Variants in ESRRB observed in about 807,000 individuals in gnomAD.
The protein encoded by ESRRB is steroid hormone receptor ERR2.
A neutral mutation model predicts 46.0 loss-of-function variants in ESRRB; 16 were observed. The ratio of observed to expected loss-of-function variants is 0.35; its 90% CI spans 0.24 to 0.53. The LOEUF (loss-of-function observed/expected upper bound fraction) is 0.53. Among genes scored for constraint, ESRRB ranks in the 20% least tolerant of loss-of-function variants. The pLI is 0.93. For missense variants in ESRRB, 488 were observed against 607.4 expected (o/e 0.80, Z 2.07); for synonymous variants, 246 against 259.6 (o/e 0.95, Z 0.50).
chr14:76,440,065 G>A (rs1414373896), intron 2 of ESRRB, among the ~76,000 whole-genome samples: 1 of 152,168 alleles, frequency 6.6e-6, no homozygotes, highest in African/African-American at 2.4e-5. Context: ...ACTGTCAAAT[G>A]TGTGTCCCTC....
intron 5 of ESRRB, among the ~76,000 whole-genome samples, chr14:76,488,748 C>T (rs73320335): frequency 8.5e-5 from 13 of 152,292 alleles, no homozygotes; most frequent in African/African-American, 2.9e-4. Context: ...GCCCTCACCA[C>T]CCTGCTTGAC....
chr14:76,382,178 G>T (rs1048176040), intron 1 of ESRRB, among the ~76,000 whole-genome samples: 6 of 152,172 alleles, frequency 3.9e-5, no homozygotes, highest in Admixed American at 3.9e-4. Flanking sequence ...AATGTGTTCC[G>T]GTGGGTAGTC....
intron 1 of ESRRB, among the ~76,000 whole-genome samples, chr14:76,396,335 C>G (rs1404150663): frequency 6.6e-6 from 1 of 151,914 alleles, no homozygotes; most frequent in Non-Finnish European, 1.5e-5. Context: ...TTTTTAAGCT[C>G]TAAATGCTGG....
chr14:76,340,741 G>A (rs1884182493), intron 1 of ESRRB, among the ~76,000 whole-genome samples: 2 of 152,188 alleles, frequency 1.3e-5, no homozygotes, highest in South Asian at 2.1e-4. Context: ...TAGCTGTGTT[G>A]ACAAACCATG....
At chr14:76,434,818 G>A (rs1595114261) in intron 1 of ESRRB, among the ~76,000 whole-genome samples, 1 of 152,198 alleles carries the variant, frequency 6.6e-6, no homozygotes, top group East Asian at 1.9e-4. Flanking sequence ...TGGTAGCAGA[G>A]AGGCAGAGTG....
At chr14:76,355,754 C>T (rs1884371641) in intron 1 of ESRRB, among the ~76,000 whole-genome samples, 1 of 152,152 alleles carries the variant, frequency 6.6e-6, no homozygotes, top group Admixed American at 6.6e-5. Context: ...TCAGAGCACC[C>T]AGCACAGGGT....
intron 1 of ESRRB, among the ~76,000 whole-genome samples, chr14:76,358,262 A>G (rs1332654642): frequency 2.7e-5 from 4 of 149,282 alleles, no homozygotes; most frequent in African/African-American, 9.8e-5. Context: ...CAGTGAGCCA[A>G]GATTGCGCCA....
At chr14:76,395,464 G>C (rs1479843273) in intron 1 of ESRRB, among the ~76,000 whole-genome samples, 1 of 152,132 alleles carries the variant, frequency 6.6e-6, no homozygotes, top group Non-Finnish European at 1.5e-5. Context: ...CCCCTGTGTG[G>C]TGCAGCAGAG....
intron 1 of ESRRB, among the ~76,000 whole-genome samples, chr14:76,344,811 C>T (rs1884230487): frequency 6.7e-6 from 1 of 148,740 alleles, no homozygotes; most frequent in Non-Finnish European, 1.5e-5. Context: ...GAGACGGTGC[C>T]ACTGCACTCC....
chr14:76,434,497 A>AC (rs1887586190), intron 1 of ESRRB, among the ~76,000 whole-genome samples: 1 of 151,902 alleles, frequency 6.6e-6, no homozygotes, highest in Non-Finnish European at 1.5e-5. Context: ...CCAAAAAAAA[A>AC]CAGAATACAA....
rs530837556 is a variant in ESRRB at position 76,405,461 on chromosome 14, T to C, written c.50+29010T>C. 3.3e-5 allele frequency among the ~76,000 whole-genome samples: 5 copies of C among 152,216 alleles called. No homozygotes were observed. The East Asian group carries it at 9.6e-4, about 29-fold the overall frequency. ...GGAACCTAGAGGGCAGATGAACCGA[T>C]AATGGGAGTGTTTCCTTGTAAGTTG... On this transcript the variant is annotated intron_variant, in intron 1 of 6. Transcript: ENST00000644823.
At chr14:76,472,721 C>T (rs1889421236) in intron 3 of ESRRB, among the ~76,000 whole-genome samples, 1 of 152,240 alleles carries the variant, frequency 6.6e-6, no homozygotes, top group Admixed American at 6.5e-5. Context: ...CACACAACTT[C>T]CAGAACCTCA....
chr14:76,425,661 C>G (rs976160215), intron 1 of ESRRB, among the ~76,000 whole-genome samples: 3 of 152,216 alleles, frequency 2.0e-5, no homozygotes, highest in Admixed American at 2.0e-4. Flanking sequence ...TCTCTGGCAG[C>G]TCTATCTGGA....
intron 1 of ESRRB, among the ~76,000 whole-genome samples, chr14:76,408,035 CA>C: frequency 6.6e-6 from 1 of 152,258 alleles, no homozygotes; most frequent in African/African-American, 2.4e-5. Context: ...TTTGAGGACA[CA>C]GTGTCTGGCT....
At chr14:76,449,687 G>A (rs184241037) in intron 2 of ESRRB, among the ~76,000 whole-genome samples, 225 of 151,798 alleles carry the variant, frequency 1.5e-3, no homozygotes, top group African/African-American at 5.2e-3. Flanking sequence ...CAAAGTGATT[G>A]ACTTAATAGC....
intron 1 of ESRRB, among the ~76,000 whole-genome samples, chr14:76,395,778 G>C (rs1289368058): frequency 1.4e-5 from 2 of 145,396 alleles, no homozygotes; most frequent in Non-Finnish European, 3.0e-5. Context: ...ATTTAATTAG[G>C]AGTTATTATA....
At chr14:76,425,279 CA>C (rs1184959277) in intron 1 of ESRRB, among the ~76,000 whole-genome samples, 1 of 151,940 alleles carries the variant, frequency 6.6e-6, no homozygotes, top group Non-Finnish European at 1.5e-5. Flanking sequence ...TTACTTTTCA[CA>C]AAAAAACCTT....
At chr14:76,479,282 G>A (rs1889713629) in intron 3 of ESRRB, among the ~76,000 whole-genome samples, 1 of 152,040 alleles carries the variant, frequency 6.6e-6, no homozygotes, top group Non-Finnish European at 1.5e-5. Flanking sequence ...TGACGCCTAG[G>A]CTTTCTTTGG....
chr14:76,343,771 G>A (rs1884218626), intron 1 of ESRRB, among the ~76,000 whole-genome samples: 1 of 152,240 alleles, frequency 6.6e-6, no homozygotes, highest in Non-Finnish European at 1.5e-5. Flanking sequence ...ACTTCATTCT[G>A]TTGATTAAGC....
Sources: gnomAD v4.1 joint callset for allele counts (sites outside exome capture counted in the v4.1 genomes callset) on GRCh38, gnomAD v4.1.1 for gene constraint, MANE v1.5 for transcripts, NCBI Gene and HGNC (gene_info 2026-07-23, HGNC 2026-07-21) for gene names.